The following PTPRD variants were observed in gnomAD, a reference collection of about 807,000 sequenced individuals.
PTPRD encodes protein tyrosine phosphatase receptor type D.
PTPRD carries 34 observed loss-of-function variants against 214.5 expected under a neutral mutation model. The observed-to-expected ratio is 0.16, with a 90% CI of 0.12 to 0.21. The LOEUF is 0.21. Ranked by LOEUF, PTPRD falls within the 10% of genes least tolerant of loss-of-function variation. PTPRD has a pLI of 1.00. For synonymous variants in PTPRD, 1,128 were observed against 845.7 expected (o/e 1.33, Z -5.79); for missense variants, 2,545 against 2,398.7 (o/e 1.06, Z -1.27).
chr9:10,562,686 A>T (rs944317857), intron 2 of PTPRD, among the ~76,000 whole-genome samples: 1 of 152,150 alleles, frequency 6.6e-6, no homozygotes, highest in Admixed American at 6.6e-5. Context: ...TGTGCCATGC[A>T]AACAAGTATT....
chr9:9,487,555 T>C (rs1355842863), intron 8 of PTPRD, among the ~76,000 whole-genome samples: 5 of 107,256 alleles, frequency 4.7e-5, no homozygotes, highest in Admixed American at 2.0e-4. Flanking sequence ...GCATGATTCA[T>C]TTTCTTAATT....
intron 7 of PTPRD, among the ~76,000 whole-genome samples, chr9:9,705,272 T>C (rs2097577249): frequency 6.6e-6 from 1 of 152,210 alleles, no homozygotes; most frequent in Non-Finnish European, 1.5e-5. Context: ...TGAATTAGGA[T>C]TTTAGCAGCA....
intron 8 of PTPRD, among the ~76,000 whole-genome samples, chr9:9,409,583 T>A (rs2074686612): frequency 6.6e-6 from 1 of 151,914 alleles, no homozygotes; most frequent in Non-Finnish European, 1.5e-5. Flanking sequence ...AAATTTCTAC[T>A]GAAAAACAAG....
chr9:9,720,919 T>C (rs756553605), intron 7 of PTPRD, among the ~76,000 whole-genome samples: 1 of 151,900 alleles, frequency 6.6e-6, no homozygotes, highest in African/African-American at 2.4e-5. Flanking sequence ...CACTTCAAAG[T>C]GGGAGGTAAA....
intron 2 of PTPRD, among the ~76,000 whole-genome samples, chr9:10,499,246 T>C (rs1022238269): frequency 6.6e-6 from 1 of 151,956 alleles, no homozygotes; most frequent in Non-Finnish European, 1.5e-5. Context: ...GTCCTCATTG[T>C]TCAACTCCCA....
At chr9:8,768,775 A>G (rs1313256475) in intron 11 of PTPRD, among the ~76,000 whole-genome samples, 1 of 152,184 alleles carries the variant, frequency 6.6e-6, no homozygotes, top group African/African-American at 2.4e-5. Context: ...AATAAACCAA[A>G]TATGTACAGA....
chr9:9,039,928 G>A (rs927463301), intron 10 of PTPRD, among the ~76,000 whole-genome samples: 1 of 151,932 alleles, frequency 6.6e-6, no homozygotes, highest in Non-Finnish European at 1.5e-5. Flanking sequence ...TGTCACCTGG[G>A]CCTGTTTGGA....
At chr9:9,803,553 G>A (rs985580190) in intron 5 of PTPRD, among the ~76,000 whole-genome samples, 1 of 151,840 alleles carries the variant, frequency 6.6e-6, no homozygotes, top group Non-Finnish European at 1.5e-5. Context: ...AAACTTCATG[G>A]CCAGCAGAGT....
At chr9:8,953,469 G>A (rs556289412) in intron 11 of PTPRD, among the ~76,000 whole-genome samples, 5 of 151,864 alleles carry the variant, frequency 3.3e-5, no homozygotes, top group African/African-American at 4.8e-5. Flanking sequence ...GCCCTCAAAA[G>A]CAATGGCAAC....
At chr9:9,416,161 T>C (rs7035070) in intron 8 of PTPRD, among the ~76,000 whole-genome samples, 4,074 of 152,290 alleles carry the variant, frequency 0.027, 195 homozygotes, top group African/African-American at 0.092. Flanking sequence ...CTCTCATTTC[T>C]AGATGGCTGA....
intron 5 of PTPRD, among the ~76,000 whole-genome samples, chr9:9,902,163 T>A (rs892710541): frequency 6.6e-6 from 1 of 152,194 alleles, no homozygotes; most frequent in African/African-American, 2.4e-5. Flanking sequence ...TATTGTTGAT[T>A]CTATTTTATA....
intron 3 of PTPRD, among the ~76,000 whole-genome samples, chr9:10,198,954 C>A (rs931859350): frequency 2.6e-5 from 4 of 151,974 alleles, no homozygotes; most frequent in African/African-American, 9.7e-5. Flanking sequence ...TTGAATGGTT[C>A]AAATTTTGCT....
At chr9:9,537,379 G>A (rs2076736517) in intron 8 of PTPRD, among the ~76,000 whole-genome samples, 1 of 151,902 alleles carries the variant, frequency 6.6e-6, no homozygotes, top group South Asian at 2.1e-4. Context: ...GAGAATTATG[G>A]GTAACATCAA....
At chr9:10,264,741 T>C (rs1419787712) in intron 3 of PTPRD, among the ~76,000 whole-genome samples, 1 of 152,116 alleles carries the variant, frequency 6.6e-6, no homozygotes, top group Non-Finnish European at 1.5e-5. Context: ...TTTTGAAATC[T>C]GAGGACACGA....
chr9:10,181,802 G>A (rs1212045960), intron 3 of PTPRD, among the ~76,000 whole-genome samples: 1 of 150,826 alleles, frequency 6.6e-6, no homozygotes. Flanking sequence ...TGCCATATAT[G>A]AAAATTAACT....
intron 8 of PTPRD, among the ~76,000 whole-genome samples, chr9:9,507,240 CAA>C (rs1238291239): frequency 6.6e-6 from 1 of 151,062 alleles, no homozygotes; most frequent in Non-Finnish European, 1.5e-5. Context: ...CAAGGATATA[CAA>C]TATATATTAA....
chr9:8,734,678 A>G (rs868220439), intron 11 of PTPRD, among the ~76,000 whole-genome samples: 1 of 152,262 alleles, frequency 6.6e-6, no homozygotes, highest in Admixed American at 6.5e-5. Flanking sequence ...CAAGGCATCA[A>G]GAGTGACAGC....
At chr9:9,043,444 G>A (rs1041235183) in intron 10 of PTPRD, among the ~76,000 whole-genome samples, 3 of 152,070 alleles carry the variant, frequency 2.0e-5, no homozygotes, top group Admixed American at 6.6e-5. Context: ...GGATGACCTC[G>A]AGGTCACCAT....
chr9:8,523,333 T>C lies in PTPRD; in HGVS notation c.691+180A>G, dbSNP rs185463989. ...CACCCAGGTACATTCTCTCCCACCA[T>C]GCACCACAGTTAGATACCACCAGCA... On this transcript the variant is annotated intron_variant, in intron 19 of 45. Transcript: ENST00000381196. Among the ~76,000 whole-genome samples, 382 of 152,248 alleles carry C rather than the reference T, an allele frequency of 2.5e-3. 1 individual carries two copies. Among genetic ancestry groups the C allele is most frequent in the Non-Finnish European group, 3.9e-3 (268 of 68,018 alleles).
Sources: allele counts gnomAD v4.1 joint callset (sites outside exome capture counted in the v4.1 genomes callset), GRCh38; gene constraint gnomAD v4.1.1; transcripts MANE v1.5; gene names NCBI Gene and HGNC (gene_info 2026-07-23, HGNC 2026-07-21).